Variants in GDAP1 observed in about 807,000 individuals in gnomAD.
GDAP1 encodes ganglioside induced differentiation associated protein 1, also known as ganglioside-induced differentiation-associated protein 1.
In GDAP1, 34 loss-of-function variants were observed where a neutral mutation model predicts 40.1. The ratio of observed to expected loss-of-function variants is 0.85; its 90% CI spans 0.64 to 1.13. The LOEUF (loss-of-function observed/expected upper bound fraction) is 1.13. Ranked by LOEUF, GDAP1 falls within the 50% of genes most tolerant of loss-of-function variation. GDAP1 has a pLI of 0.00. For synonymous variants in GDAP1, 170 were observed against 157.4 expected (o/e 1.08, Z -0.60); for missense variants, 374 against 433.7 (o/e 0.86, Z 1.22).
intron 2 of GDAP1, among the ~76,000 whole-genome samples, chr8:74,375,766 C>T (rs74507009): frequency 0.024 from 3,697 of 152,130 alleles, 154 homozygotes; most frequent in African/African-American, 0.085. Context: ...CTTGTTATCC[C>T]ATGGAGTAAT....
At chr8:74,393,271 C>T (rs1202383033) in intron 2 of GDAP1, among the ~76,000 whole-genome samples, 1 of 151,968 alleles carries the variant, frequency 6.6e-6, no homozygotes, top group African/African-American at 2.4e-5. Context: ...CTGATATGGA[C>T]AAAAAAATGA....
intron 2 of GDAP1, among the ~76,000 whole-genome samples, chr8:74,353,831 G>T (rs978645044): frequency 6.6e-6 from 1 of 152,182 alleles, no homozygotes; most frequent in Non-Finnish European, 1.5e-5. Flanking sequence ...GTAAATTACT[G>T]TCTTTAAATC....
At chr8:74,414,415 A>G (rs1805754029) in intron 2 of GDAP1, among the ~76,000 whole-genome samples, 1 of 149,986 alleles carries the variant, frequency 6.7e-6, no homozygotes, top group African/African-American at 2.5e-5. Flanking sequence ...AAATGTATGG[A>G]AAGATAGAAA....
In GDAP1 at chr8:74,452,978, G is replaced by T. The variant is rs1806304171; in HGVS notation, c.166-35700G>T. ...TCATGTTAGGTTAGTGGAGGCTTGGGTTTACACTTTGTTAGGGCATATTTG... is the reference window on the plus strand; with the variant it reads ...TCATGTTAGGTTAGTGGAGGCTTGGTTTTACACTTTGTTAGGGCATATTTG... On this transcript the variant is annotated intron_variant, in intron 2 of 2. Transcript: ENST00000523640. Among the ~76,000 whole-genome samples, 2 of 83,278 alleles carry T rather than the reference G, an allele frequency of 2.4e-5. 1 individual carries two copies. The highest frequency in any genetic ancestry group is 2.4e-4 in the Admixed American group (2 of 8,184). The allele number at this position is 83,278 out of a possible 152,430, so 54.6% of individuals were successfully genotyped here.
chr8:74,366,506 C>A lies in GDAP1; in HGVS notation c.*2139C>A. 2.2e-6 allele frequency: 1 copy of A among 454,324 alleles called. No individual in the cohort carries two copies. Among genetic ancestry groups the A allele is most frequent in the South Asian group, 1.6e-5 (1 of 64,470 alleles). The allele number at this position is 454,324 out of a possible 1,614,324, so 28.1% of individuals were successfully genotyped here. ...CACACAATGTCAAGCTAGAGTTAAA[C>A]ACAGTATTAGCTAAATAGGCACTTA... On this transcript the variant is annotated 3_prime_UTR_variant, in exon 6 of 6. Coordinates refer to ENST00000220822, the MANE Select transcript of GDAP1 (RefSeq NM_018972.4).
intron 1 of GDAP1, among the ~76,000 whole-genome samples, chr8:74,350,858 G>T (rs1262587789): frequency 6.6e-6 from 1 of 152,220 alleles, no homozygotes; most frequent in African/African-American, 2.4e-5. Context: ...TTGCCTGCTG[G>T]TCTTCGGAGA....
chr8:74,373,509 C>T (rs1469498199), intron 2 of GDAP1, among the ~76,000 whole-genome samples: 1 of 152,152 alleles, frequency 6.6e-6, no homozygotes, highest in Non-Finnish European at 1.5e-5. Context: ...ATTTTATTCT[C>T]TTTGAAGCAA....
At chr8:74,372,922 C>A (rs1297997054) in intron 2 of GDAP1, among the ~76,000 whole-genome samples, 2 of 152,128 alleles carry the variant, frequency 1.3e-5, no homozygotes, top group East Asian at 3.9e-4. Flanking sequence ...AGTCTTTAAT[C>A]CATCTTGAAT....
intron 2 of GDAP1, among the ~76,000 whole-genome samples, chr8:74,463,023 G>C (rs976823507): frequency 6.7e-6 from 1 of 148,268 alleles, no homozygotes; most frequent in African/African-American, 2.5e-5. Flanking sequence ...TGAAAGCTTA[G>C]CTTTAGGGTG....
intron 2 of GDAP1, among the ~76,000 whole-genome samples, chr8:74,440,521 T>G (rs943455326): frequency 1.3e-5 from 2 of 152,188 alleles, no homozygotes; most frequent in Admixed American, 1.3e-4. Context: ...TGTGCTTGTT[T>G]AAGTAATCCA....
Position 74,389,398 on chromosome 8 carries a change from T to A in GDAP1, c.165+38077T>A, listed in dbSNP as rs192901243. 7.2e-5 allele frequency among the ~76,000 whole-genome samples: 11 copies of A among 152,322 alleles called. No homozygotes were observed. In the East Asian group the frequency reaches 1.9e-3, roughly 27 times the overall value. ...GGTGTCAAAATCCCTAAGCATTTGC[T>A]TTTTTGTAAAGGATTTTATTTCTCC... On this transcript the variant is annotated intron_variant, in intron 2 of 2. Transcript: ENST00000523640.
chr8:74,431,512 C>T (rs992104252), intron 2 of GDAP1, among the ~76,000 whole-genome samples: 21 of 151,920 alleles, frequency 1.4e-4, no homozygotes, highest in East Asian at 5.8e-4. Context: ...GACAGAGTCT[C>T]GCTCTGTCAC....
chr8:74,351,569 TG>T (rs1358742978), intron 2 of GDAP1, 103 bp downstream of exon 2: 1 of 931,560 alleles, frequency 1.1e-6, no homozygotes, highest in Admixed American at 1.7e-5. Flanking sequence ...TCTTGTGTCA[TG>T]ATGGTGGTTT....
At chr8:74,420,530 C>T (rs1805842342) in intron 2 of GDAP1, among the ~76,000 whole-genome samples, 2 of 152,166 alleles carry the variant, frequency 1.3e-5, no homozygotes, top group African/African-American at 4.8e-5. Context: ...TAATGGTTCA[C>T]TGTCCTATAA....
chr8:74,424,858 C>T (rs940230153), intron 2 of GDAP1, among the ~76,000 whole-genome samples: 31 of 152,270 alleles, frequency 2.0e-4, no homozygotes, highest in Admixed American at 7.8e-4. Flanking sequence ...ATCCAAGACT[C>T]TACCTGCCAC....
At chr8:74,398,334 C>T (rs1810247270) in intron 2 of GDAP1, among the ~76,000 whole-genome samples, 1 of 152,128 alleles carries the variant, frequency 6.6e-6, no homozygotes, top group African/African-American at 2.4e-5. Flanking sequence ...CTTCCTCCAT[C>T]CTTTTATTTT....
intron 2 of GDAP1, among the ~76,000 whole-genome samples, chr8:74,400,512 C>G (rs1162332323): frequency 1.3e-5 from 2 of 149,894 alleles, no homozygotes; most frequent in Admixed American, 1.3e-4. Flanking sequence ...ATCCAGTTTG[C>G]CAGTCTGTGT....
Position 74,361,983 on chromosome 8 carries a change from GC to G in GDAP1, c.579+7del. ...GCAAAACAGAAACGACTTAAAGTAA[GC>G]CAATCAGCTGTCCTCAGTTGACATA... On this transcript the variant is annotated splice_donor_region_variant and intron_variant, in intron 4 of 5. Coordinates refer to ENST00000220822, the MANE Select transcript of GDAP1 (RefSeq NM_018972.4). 6.7e-7 allele frequency: 1 copy of G among 1,500,914 alleles called. No homozygotes were observed. Among genetic ancestry groups the G allele is most frequent in the Non-Finnish European group, 9.3e-7 (1 of 1,079,292 alleles). The allele number at this position is 1,500,914 out of a possible 1,614,324, so 93.0% of individuals were successfully genotyped here.
chr8:74,373,795 C>T (rs6988610), intron 2 of GDAP1, among the ~76,000 whole-genome samples: 44,914 of 151,966 alleles, frequency 0.3, 6,897 homozygotes, highest in Non-Finnish European at 0.34. Flanking sequence ...AACACTATGT[C>T]GAATAGGAGT....
Sources: allele counts gnomAD v4.1 joint callset (sites outside exome capture counted in the v4.1 genomes callset), GRCh38; gene constraint gnomAD v4.1.1; transcripts MANE v1.5; gene names NCBI Gene and HGNC (gene_info 2026-07-23, HGNC 2026-07-21).